MEGF6: variants seen among roughly 807,000 people sequenced by gnomAD.
MEGF6 encodes multiple EGF like domains 6.
A neutral mutation model predicts 207.1 loss-of-function variants in MEGF6; 184 were observed. The observed-to-expected ratio is 0.89, with a 90% CI of 0.79 to 1.00. The LOEUF (loss-of-function observed/expected upper bound fraction) is 1.00, where lower values mean the gene tolerates loss of function less well. Ranked by LOEUF, MEGF6 falls within the 50% of genes least tolerant of loss-of-function variation. MEGF6 has a pLI of 0.00. For missense variants in MEGF6, 2,282 were observed against 2,202.9 expected (o/e 1.04, Z -0.72); for synonymous variants, 1,038 against 910.0 (o/e 1.14, Z -2.53).
At chr1:3,548,032 C>A (rs1327820209) in intron 4 of MEGF6, among the ~76,000 whole-genome samples, 2 of 152,170 alleles carry the variant, frequency 1.3e-5, no homozygotes. Context: ...AATGTTCAGC[C>A]CCCTGTGCCC....
At chr1:3,514,797 T>C in intron 6 of MEGF6, 125 bp from the exon 7 acceptor site, 2 of 1,146,088 alleles carry the variant, frequency 1.7e-6, no homozygotes, top group African/African-American at 1.6e-5. Context: ...TCCAGGCTGA[T>C]GGGCTGGGCA....
chr1:3,561,258 C>G lies in MEGF6; in HGVS notation c.481+18567G>C, dbSNP rs547535388. 2.7e-3 allele frequency among the ~76,000 whole-genome samples: 404 copies of G among 152,250 alleles called. 13 individuals carry two copies. The South Asian group carries it at 0.052, about 20-fold the overall frequency. ...ACGCTCAGCTGAGGAGCAAGGGCTA[C>G]GGGGCACTCAGAGCTTCCTGTCCAG... On this transcript the variant is annotated intron_variant, in intron 4 of 36. Coordinates refer to ENST00000356575, the MANE Select transcript of MEGF6 (RefSeq NM_001409.4).
intron 4 of MEGF6, among the ~76,000 whole-genome samples, chr1:3,533,021 C>T (rs866296082): frequency 1.3e-5 from 2 of 152,206 alleles, no homozygotes; most frequent in Admixed American, 6.5e-5. Context: ...CGGCCCATCC[C>T]GGCAGAGCCT....
At chr1:3,533,529 C>T (rs1642238679) in intron 4 of MEGF6, among the ~76,000 whole-genome samples, 1 of 152,238 alleles carries the variant, frequency 6.6e-6, no homozygotes, top group Non-Finnish European at 1.5e-5. Flanking sequence ...GCAGCCACAG[C>T]CCAACAGGGC....
intron 3 of MEGF6, among the ~76,000 whole-genome samples, chr1:3,592,225 TG>T (rs1643991100): frequency 6.6e-6 from 1 of 152,188 alleles, no homozygotes; most frequent in Admixed American, 6.5e-5. Context: ...CCCACTGCCC[TG>T]AGAGGGGCAG....
At chr1:3,569,171 G>C (rs1007033472) in intron 4 of MEGF6, among the ~76,000 whole-genome samples, 2 of 152,264 alleles carry the variant, frequency 1.3e-5, no homozygotes, top group South Asian at 2.1e-4. Flanking sequence ...CGCCTGTTCA[G>C]GGGGGGAGAC....
chr1:3,511,654 G>A lies in MEGF6; in HGVS notation c.1010C>T (p.Ala337Val). Residue 337 changes from alanine to valine, a missense_variant, in exon 9 of 37, where the codon GCC (alanine) becomes GTC (valine). Ala to Val is a moderately conservative substitution (Grantham distance 64). Transcript: ENST00000356575. ...GCCATGGGAGCAGCCGCCGTTGTTG[G>A]CCTCACAGCTGTTCACGATTTCCAT... Reference protein sequence around the residue: ...IEMEIVNSCEANNGGCSHGCS... With the variant: ...IEMEIVNSCEVNNGGCSHGCS... 6.2e-7 allele frequency: 1 copy of A among 1,611,620 alleles called. No homozygotes were observed. The highest frequency in any genetic ancestry group is 8.5e-7 in the Non-Finnish European group (1 of 1,178,758).
At chr1:3,597,780 C>G (rs937625147) in intron 2 of MEGF6, among the ~76,000 whole-genome samples, 3 of 152,132 alleles carry the variant, frequency 2.0e-5, no homozygotes, top group Non-Finnish European at 4.4e-5. Context: ...ACCTTGATCT[C>G]GGACTTCCGG....
At chr1:3,567,896 T>TA (rs1225109451) in intron 4 of MEGF6, among the ~76,000 whole-genome samples, 2 of 152,108 alleles carry the variant, frequency 1.3e-5, no homozygotes, top group Non-Finnish European at 2.9e-5. Context: ...GGCTGAGACC[T>TA]GCCAGGAGCC....
chr1:3,608,722 G>A (rs1036745067), intron 1 of MEGF6, among the ~76,000 whole-genome samples: 28 of 152,278 alleles, frequency 1.8e-4, no homozygotes, highest in African/African-American at 5.3e-4. Context: ...CGAGCCCTGC[G>A]GGTCCATGCC....
intron 4 of MEGF6, among the ~76,000 whole-genome samples, chr1:3,545,763 G>A (rs1212784374): frequency 6.6e-6 from 1 of 152,184 alleles, no homozygotes; most frequent in Admixed American, 6.5e-5. Flanking sequence ...CCTCCTCACT[G>A]AGCCGGGGCT....
intron 4 of MEGF6, among the ~76,000 whole-genome samples, chr1:3,534,347 A>G (rs1222048819): frequency 6.6e-6 from 1 of 152,162 alleles, no homozygotes; most frequent in Non-Finnish European, 1.5e-5. Context: ...AATTTCACCT[A>G]TTTGTTTTTG....
In MEGF6 at chr1:3,556,226, G is replaced by C. The variant is rs567495537; in HGVS notation, c.481+23599C>G. ...AAGCCCCGTCAGGATTTCCCAGGAT[G>C]GGGAGTGGGGCAGGGTCCCCATACA... On this transcript the variant is annotated intron_variant, in intron 4 of 36. Transcript: ENST00000356575. This position sits in a 1 kb window ranked among gnomAD's most constrained non-coding sequence, Gnocchi z 4.4. Among the ~76,000 whole-genome samples the C allele has an allele frequency of 6.6e-6, 1 of 152,362 alleles. No homozygotes were observed. The highest frequency in any genetic ancestry group is 2.4e-5 in the African/African-American group (1 of 41,590).
chr1:3,488,572 C>T lies in MEGF6; in HGVS notation c.*1956G>A, dbSNP rs1233009073. ...ATCAGGCTTTTCTGTAGAAAAATGG[C>T]CGAGGCCTTGAAGGCCTAAGAATAA... On this transcript the variant is annotated 3_prime_UTR_variant, in exon 37 of 37. Coordinates refer to ENST00000356575, the MANE Select transcript of MEGF6 (RefSeq NM_001409.4). Among the ~76,000 whole-genome samples, 1 of 152,220 alleles carries T rather than the reference C, an allele frequency of 6.6e-6. No homozygotes were observed. Among genetic ancestry groups the T allele is most frequent in the African/African-American group, 2.4e-5 (1 of 41,442 alleles).
intron 1 of MEGF6, among the ~76,000 whole-genome samples, chr1:3,602,922 C>T (rs1430704835): frequency 6.6e-6 from 1 of 152,218 alleles, no homozygotes; most frequent in African/African-American, 2.4e-5. Flanking sequence ...GGCCTCAAGG[C>T]ACAGTCACAC....
intron 4 of MEGF6, chr1:3,546,885 G>C (rs974610598): frequency 2.4e-5 from 4 of 163,372 alleles, no homozygotes; most frequent in Non-Finnish European, 5.3e-5. Context: ...GGGCTGGGAA[G>C]GGGGCTGCCA....
At position 3,600,671 on chromosome 1, in the gene MEGF6, G is replaced by A. The variant is rs1375086158; in HGVS notation, c.266+1795C>T. On this transcript the variant is annotated intron_variant, in intron 2 of 36. Coordinates refer to ENST00000356575, the MANE Select transcript of MEGF6 (RefSeq NM_001409.4). ...CTGGATTCAGCCTCCAGCAGCTTGG[G>A]AGGGGACACAAATTGGAAACGTGGG... is the stretch of plus-strand genomic sequence containing the variant. Among the ~76,000 whole-genome samples the A allele has an allele frequency of 7.9e-5, 12 of 152,310 alleles. No individual in the cohort carries two copies. The East Asian group carries it at 1.7e-3, about 22-fold the overall frequency.
At chr1:3,514,117 G>A (rs989802848) in intron 7 of MEGF6, among the ~76,000 whole-genome samples, 3 of 152,126 alleles carry the variant, frequency 2.0e-5, no homozygotes, top group South Asian at 4.1e-4. Context: ...GCCTGGCGGC[G>A]GGTGCCTGTA....
rs1643035464 is a variant in MEGF6 at position 3,556,519 on chromosome 1, C to G, written c.481+23306G>C. 6.6e-6 allele frequency among the ~76,000 whole-genome samples: 1 copy of G among 152,196 alleles called. No homozygotes were observed. Among genetic ancestry groups the G allele is most frequent in the South Asian group, 2.1e-4 (1 of 4,830 alleles). ...TCCTCTCGGCCGCCCACCAGGTTTT[C>G]TGCCTGCTTCCCACTCCAGTGAGTC... On this transcript the variant is annotated intron_variant, in intron 4 of 36. Transcript: ENST00000356575. This position sits in a 1 kb window ranked among gnomAD's most constrained non-coding sequence, Gnocchi z 4.4.
Sources: allele counts gnomAD v4.1 joint callset (sites outside exome capture counted in the v4.1 genomes callset), GRCh38; gene constraint gnomAD v4.1.1; non-coding constraint Gnocchi (gnomAD v3.1); transcripts MANE v1.5; gene names NCBI Gene and HGNC (gene_info 2026-07-23, HGNC 2026-07-21).